Variants in NXPE2 observed in about 807,000 individuals in gnomAD.
NXPE2 encodes neurexophilin and PC-esterase domain family member 2.
Under a neutral mutation model 34.4 loss-of-function variants are expected in NXPE2, and 34 were observed. The observed-to-expected ratio is 0.99, with a 90% CI of 0.75 to 1.31. The LOEUF (loss-of-function observed/expected upper bound fraction) is 1.31, where lower values mean the gene tolerates loss of function less well. Among genes scored for constraint, NXPE2 ranks in the 40% most tolerant of loss-of-function variants. NXPE2 has a pLI of 0.00. For synonymous variants in NXPE2, 235 were observed against 231.3 expected, an observed-to-expected ratio of 1.02 and a Z score of -0.15; for missense variants, 649 against 672.5, an observed-to-expected ratio of 0.97 and a Z score of 0.39.
At chr11:114,499,918 G>T in the NXPE2 span, among the ~76,000 whole-genome samples, 1 of 151,356 alleles carries the variant, frequency 6.6e-6, no homozygotes, top group Admixed American at 6.6e-5. Flanking sequence ...TGATTTTGAG[G>T]TTAATCCATT....
the NXPE2 span, among the ~76,000 whole-genome samples, chr11:114,565,399 G>A: frequency 6.6e-6 from 1 of 152,150 alleles, no homozygotes; most frequent in African/African-American, 2.4e-5. Context: ...TATTTAACAG[G>A]TATAGACTGA....
chr11:114,639,528 G>A, the NXPE2 span, among the ~76,000 whole-genome samples: 4 of 151,342 alleles, frequency 2.6e-5, no homozygotes, highest in African/African-American at 9.7e-5. Context: ...GGTACCTCAG[G>A]TGGAAATGCA....
At chr11:114,673,412 A>G in the NXPE2 span, among the ~76,000 whole-genome samples, 1 of 151,650 alleles carries the variant, frequency 6.6e-6, no homozygotes, top group Non-Finnish European at 1.5e-5. Flanking sequence ...CTTTTCACCT[A>G]AGGACACTGG....
At chr11:114,610,897 T>G in the NXPE2 span, among the ~76,000 whole-genome samples, 1 of 148,446 alleles carries the variant, frequency 6.7e-6, no homozygotes, top group Non-Finnish European at 1.5e-5. Context: ...TCATGGGTAA[T>G]CAATGGTACC....
chr11:114,786,054 T>C, the NXPE2 span, among the ~76,000 whole-genome samples: 3 of 152,194 alleles, frequency 2.0e-5, no homozygotes. Context: ...GTGGGCCTGC[T>C]TGTGAATGTA....
At chr11:114,667,223 T>C in the NXPE2 span, among the ~76,000 whole-genome samples, 1 of 152,160 alleles carries the variant, frequency 6.6e-6, no homozygotes, top group African/African-American at 2.4e-5. Flanking sequence ...GGTATCTTTC[T>C]GAACTTTTTA....
At chr11:114,493,551 T>G in the NXPE2 span, among the ~76,000 whole-genome samples, 2 of 152,214 alleles carry the variant, frequency 1.3e-5, no homozygotes. Flanking sequence ...TTTGAACCGA[T>G]GACAACTTAA....
At chr11:114,536,026 T>G in the NXPE2 span, among the ~76,000 whole-genome samples, 1 of 152,202 alleles carries the variant, frequency 6.6e-6, no homozygotes, top group Non-Finnish European at 1.5e-5. Flanking sequence ...GACCACATAG[T>G]TGGAAGTAAA....
chr11:114,746,852 A>C, the NXPE2 span, among the ~76,000 whole-genome samples: 21 of 150,162 alleles, frequency 1.4e-4, no homozygotes, highest in African/African-American at 5.2e-4. Context: ...CTCCCTCTCA[A>C]AAACAAACAA....
the NXPE2 span, chr11:114,527,845 C>A: frequency 1.9e-6 from 3 of 1,606,080 alleles, no homozygotes; most frequent in East Asian, 4.5e-5. Flanking sequence ...CTTACTGTTA[C>A]AATTAGTGAC....
At chr11:114,513,039 C>G in the NXPE2 span, 16 of 425,906 alleles carry the variant, frequency 3.8e-5, 1 homozygote, top group South Asian at 2.8e-4. Context: ...GTATCTGACC[C>G]CCCCCAGAAC....
At chr11:114,769,619 T>C in the NXPE2 span, among the ~76,000 whole-genome samples, 1 of 152,152 alleles carries the variant, frequency 6.6e-6, no homozygotes, top group Non-Finnish European at 1.5e-5. Context: ...CACCATGGAA[T>C]ACTATGCAGC....
At chr11:114,599,881 A>G in the NXPE2 span, among the ~76,000 whole-genome samples, 3 of 152,288 alleles carry the variant, frequency 2.0e-5, no homozygotes, top group African/African-American at 7.2e-5. Context: ...AGATTTGGGC[A>G]GGGACACAGA....
At chr11:114,603,275 G>A in the NXPE2 span, among the ~76,000 whole-genome samples, 291 of 150,938 alleles carry the variant, frequency 1.9e-3, 1 homozygote, top group Non-Finnish European at 3.1e-3. Context: ...CCTGGTGGAT[G>A]ATAAGTATTG....
At chr11:114,614,675 A>G in the NXPE2 span, among the ~76,000 whole-genome samples, 1 of 151,926 alleles carries the variant, frequency 6.6e-6, no homozygotes, top group Admixed American at 6.6e-5. Context: ...CCACTGGATA[A>G]GTGTTGCCTC....
chr11:114,799,666 G>C, the NXPE2 span, among the ~76,000 whole-genome samples: 1 of 152,210 alleles, frequency 6.6e-6, no homozygotes, highest in Non-Finnish European at 1.5e-5. Context: ...AGGCAGAAGG[G>C]GGAGAGCAGA....
the NXPE2 span, among the ~76,000 whole-genome samples, chr11:114,653,652 C>T: frequency 4.6e-5 from 7 of 151,720 alleles, no homozygotes; most frequent in East Asian, 1.9e-4. Flanking sequence ...CTTAGCCTCC[C>T]GAGTAGCTGG....
the NXPE2 span, among the ~76,000 whole-genome samples, chr11:114,651,064 G>A: frequency 1.3e-5 from 2 of 151,510 alleles, no homozygotes; most frequent in Admixed American, 1.3e-4. Context: ...ATAATAGCTA[G>A]CATAATGTAT....
At chr11:114,793,861 A>G in the NXPE2 span, among the ~76,000 whole-genome samples, 12 of 152,256 alleles carry the variant, frequency 7.9e-5, no homozygotes, top group African/African-American at 2.9e-4. Context: ...CACAGACCCA[A>G]TATTTCTCTG....
Sources: gnomAD v4.1 joint callset for allele counts (sites outside exome capture counted in the v4.1 genomes callset) on GRCh38, gnomAD v4.1.1 for gene constraint, MANE v1.5 for transcripts, NCBI Gene and HGNC (gene_info 2026-07-23, HGNC 2026-07-21) for gene names.